RNF17: variants seen among roughly 807,000 people sequenced by gnomAD.
RNF17 encodes the protein spermatogenesis associated 23.
RNF17 carries 31 observed loss-of-function variants against 200.5 expected under a neutral mutation model. The observed-to-expected ratio is 0.15, with a 90% CI of 0.12 to 0.21. The LOEUF (loss-of-function observed/expected upper bound fraction) is 0.21, where lower values mean the gene tolerates loss of function less well. Ranked by LOEUF, RNF17 falls within the 10% of genes least tolerant of loss-of-function variation. RNF17 has a pLI of 1.00. For synonymous variants in RNF17, 606 were observed against 637.8 expected (o/e 0.95, Z 0.75); for missense variants, 1,628 against 1,905.1 (o/e 0.85, Z 2.71).
chr13:24,763,357 C>T (rs537288820), upstream of RNF17, among the ~76,000 whole-genome samples: 3 of 149,576 alleles, frequency 2.0e-5, no homozygotes, highest in South Asian at 4.3e-4. Context: ...CGCCCACCGC[C>T]ACGTCCGGCT....
At chr13:24,789,158 A>G (rs1883518213) in intron 7 of RNF17, among the ~76,000 whole-genome samples, 190 bp from the exon 8 acceptor site, 2 of 152,090 alleles carry the variant, frequency 1.3e-5, no homozygotes, top group African/African-American at 4.8e-5. Context: ...CTTAGTGTCT[A>G]TTGTTACCTT....
downstream of RNF17, among the ~76,000 whole-genome samples, chr13:24,881,853 TATATAG>T (rs1210191985): frequency 2.8e-5 from 3 of 108,746 alleles, 1 homozygote; most frequent in Non-Finnish European, 2.1e-5. Context: ...TAGATACATC[TATATAG>T]ATATATAGAT....
intron 18 of RNF17, among the ~76,000 whole-genome samples, chr13:24,837,094 C>G (rs1033470581): frequency 5.3e-5 from 8 of 152,092 alleles, no homozygotes; most frequent in African/African-American, 1.2e-4. Flanking sequence ...TCAGACAAAA[C>G]AAACTTAAAG....
the RNF17 span, among the ~76,000 whole-genome samples, chr13:24,749,232 A>C: frequency 2.6e-5 from 4 of 152,046 alleles, no homozygotes; most frequent in African/African-American, 7.2e-5. Flanking sequence ...ACAGGATTCC[A>C]GCTGACTTGC....
chr13:24,796,237 G>A lies in RNF17; in HGVS notation c.1341G>A (p.Lys447=). The stretch of plus-strand genomic sequence containing the variant: ...AAGACGCCAAAGTACTGGAGAAGAA[G>A]GTGAATGAATTTTGCAATAGGAGTT... ...QIKDAKVLEK[K]VNEFCNRSSH... is the part of the protein sequence containing the mutation. The change falls in exon 11 of 36, where the codon AAG becomes AAA. Residue 447 remains lysine, a synonymous_variant. Coordinates refer to ENST00000255324, the MANE Select transcript of RNF17 (RefSeq NM_031277.3). 5 of 1,612,336 alleles carry A rather than the reference G, an allele frequency of 3.1e-6. No individual in the cohort carries two copies. The highest frequency in any genetic ancestry group is 4.2e-6 in the Non-Finnish European group (5 of 1,178,912).
At chr13:24,762,212 T>C (rs1878807915), upstream of RNF17, among the ~76,000 whole-genome samples, 1 of 151,568 alleles carries the variant, frequency 6.6e-6, no homozygotes, top group Middle Eastern at 3.4e-3. Flanking sequence ...AATACTAAAA[T>C]ACAAAAAATC....
intron 22 of RNF17, among the ~76,000 whole-genome samples, chr13:24,847,874 T>G (rs1158140530): frequency 1.3e-5 from 2 of 152,208 alleles, no homozygotes; most frequent in Non-Finnish European, 2.9e-5. Flanking sequence ...ATGTTAGTTT[T>G]CACTTTGACA....
At chr13:24,806,901 T>C (rs960623903) in intron 15 of RNF17, among the ~76,000 whole-genome samples, 3 of 151,020 alleles carry the variant, frequency 2.0e-5, no homozygotes, top group African/African-American at 7.3e-5. Context: ...ATGCGGTGTT[T>C]GGTTTTTTGT....
chr13:24,847,936 G>A (rs1355161279), intron 22 of RNF17, among the ~76,000 whole-genome samples: 1 of 152,066 alleles, frequency 6.6e-6, no homozygotes, highest in Non-Finnish European at 1.5e-5. Flanking sequence ...TCCCTTAATT[G>A]TACCTAACAG....
chr13:24,796,267 C>T lies in RNF17; in HGVS notation c.1371C>T (p.His457=), dbSNP rs750107765. Residue 457 remains histidine (H), a synonymous_variant, in exon 11 of 36, where the codon CAC becomes CAT. Transcript: ENST00000255324. ...KVNEFCNRSS[H]LDPSDILELG... Reference sequence around the variant, plus strand: ...ATGAATTTTGCAATAGGAGTTCACACCTTGATCCTTCAGACATTTTGGAAC... The same window carrying T: ...ATGAATTTTGCAATAGGAGTTCACATCTTGATCCTTCAGACATTTTGGAAC... 3 of 1,604,936 alleles carry T rather than the reference C, an allele frequency of 1.9e-6. No homozygotes were observed. Among genetic ancestry groups the T allele is most frequent in the Non-Finnish European group, 8.5e-7 (1 of 1,175,718 alleles).
intron 12 of RNF17, 136 bp from the exon 13 acceptor site, chr13:24,800,230 T>C: frequency 1.8e-6 from 1 of 563,726 alleles, no homozygotes; most frequent in Non-Finnish European, 3.1e-6. Context: ...AGTAAGAAAG[T>C]ATTAATTTGG....
chr13:24,854,196 G>A, intron 25 of RNF17, 52 bp downstream of exon 25: 1 of 1,396,044 alleles, frequency 7.2e-7, no homozygotes, highest in Non-Finnish European at 9.8e-7. Flanking sequence ...GAACGACAGG[G>A]ATTGAAATAC....
intron 6 of RNF17, among the ~76,000 whole-genome samples, chr13:24,782,270 G>A: frequency 6.6e-6 from 1 of 151,994 alleles, no homozygotes; most frequent in Non-Finnish European, 1.5e-5. Context: ...CAAACTCCTG[G>A]GCTTAAGTGA....
In RNF17 at chr13:24,831,894, A is replaced by G. The variant is rs1390894135; in HGVS notation, c.2398A>G (p.Lys800Glu). 2.5e-6 allele frequency: 4 copies of G among 1,608,950 alleles called. No individual in the cohort carries two copies. The highest frequency in any genetic ancestry group is 2.2e-5 in the South Asian group (2 of 89,888). The change falls in exon 18 of 36, where the codon AAA becomes GAA. Residue 800 changes from lysine to glutamate, a missense_variant. Lys to Glu is a moderately conservative substitution (Grantham distance 56). Coordinates refer to ENST00000255324, the MANE Select transcript of RNF17 (RefSeq NM_031277.3). ...TAAGTTGGCCTATATTGAACCATAT[A>G]AAAGGACAATGCAGTGGTCCAAAGA... ...KCKLAYIEPY[K>E]RTMQWSKEAK...
chr13:24,871,612 G>T (rs1332399004), intron 32 of RNF17, among the ~76,000 whole-genome samples: 6 of 148,164 alleles, frequency 4.0e-5, no homozygotes, highest in Non-Finnish European at 8.9e-5. Flanking sequence ...GGGCTTATAG[G>T]CATGAGCCAA....
chr13:24,885,397 A>G, the RNF17 span: 1 of 1,575,820 alleles, frequency 6.3e-7, no homozygotes, highest in Non-Finnish European at 8.7e-7. Flanking sequence ...CTGTAAGCAC[A>G]ACACATTTCA....
chr13:24,770,004 A>G (rs925538506), intron 2 of RNF17, among the ~76,000 whole-genome samples: 6 of 152,204 alleles, frequency 3.9e-5, no homozygotes, highest in Admixed American at 3.9e-4. Flanking sequence ...CCTAGGTGCT[A>G]TATTAGAAAT....
At chr13:24,783,927 C>G (rs1004719649) in intron 6 of RNF17, among the ~76,000 whole-genome samples, 9 of 152,194 alleles carry the variant, frequency 5.9e-5, no homozygotes, top group Non-Finnish European at 7.4e-5. Context: ...ACAGAAGTAG[C>G]AAAAGCAGGT....
chr13:24,799,139 C>T (rs1478266690), intron 11 of RNF17, among the ~76,000 whole-genome samples: 1 of 152,114 alleles, frequency 6.6e-6, no homozygotes, highest in Admixed American at 6.6e-5. Flanking sequence ...TCTTATTGCT[C>T]ATAAGCTGGT....
Sources: allele counts gnomAD v4.1 joint callset (sites outside exome capture counted in the v4.1 genomes callset), GRCh38; gene constraint gnomAD v4.1.1; transcripts MANE v1.5; gene names NCBI Gene and HGNC (gene_info 2026-07-23, HGNC 2026-07-21).